GALNT14: variants seen among roughly 807,000 people sequenced by gnomAD.
GALNT14 encodes UDP-GalNAc:polypeptide N-acetylgalactosaminyltransferase 14.
A neutral mutation model predicts 77.5 loss-of-function variants in GALNT14; 60 were observed. The ratio of observed to expected loss-of-function variants is 0.77; its 90% CI spans 0.63 to 0.96. The LOEUF (loss-of-function observed/expected upper bound fraction) is 0.96. GALNT14 is among the 40% of genes least tolerant of loss of function. The pLI is 0.00. For missense variants in GALNT14, 710 were observed against 731.0 expected, an observed-to-expected ratio of 0.97 and a Z score of 0.33; for synonymous variants, 280 against 281.7, an observed-to-expected ratio of 0.99 and a Z score of 0.06.
At chr2:30,935,856 T>C (rs1261224133) in intron 9 of GALNT14, among the ~76,000 whole-genome samples, 1 of 152,152 alleles carries the variant, frequency 6.6e-6, no homozygotes, top group African/African-American at 2.4e-5. Flanking sequence ...TGCTGTAGAT[T>C]CACGTGTGAG....
chr2:30,999,374 C>T (rs868416696), intron 1 of GALNT14, among the ~76,000 whole-genome samples: 1 of 152,328 alleles, frequency 6.6e-6, no homozygotes, highest in Middle Eastern at 3.4e-3. Flanking sequence ...CCATTTGGTA[C>T]TAGTCTAATC....
intron 13 of GALNT14, among the ~76,000 whole-genome samples, chr2:30,918,926 A>C (rs1205636198): frequency 6.6e-6 from 1 of 152,066 alleles, no homozygotes; most frequent in Non-Finnish European, 1.5e-5. Flanking sequence ...AGCCTGTCCC[A>C]CCGGCAGACT....
At chr2:31,108,995 C>A (rs1278013779) in intron 1 of GALNT14, among the ~76,000 whole-genome samples, 1 of 152,190 alleles carries the variant, frequency 6.6e-6, no homozygotes, top group African/African-American at 2.4e-5. Context: ...ACGGAGAGGG[C>A]AAGTAGACCT....
chr2:31,030,510 G>C (rs1282509139), intron 1 of GALNT14, among the ~76,000 whole-genome samples: 1 of 152,208 alleles, frequency 6.6e-6, no homozygotes, highest in Non-Finnish European at 1.5e-5. Flanking sequence ...AATTGCAGGA[G>C]ACTGTCACGC....
intron 1 of GALNT14, among the ~76,000 whole-genome samples, chr2:31,023,237 T>C (rs1316077214): frequency 6.6e-6 from 1 of 152,172 alleles, no homozygotes; most frequent in African/African-American, 2.4e-5. Context: ...ATCTCAATTT[T>C]CTCTGGAGTA....
intron 10 of GALNT14, 24 bp downstream of exon 10, chr2:30,932,044 C>T (rs752251149): frequency 2.0e-5 from 30 of 1,484,464 alleles, no homozygotes; most frequent in South Asian, 8.4e-5. Context: ...GCTGCCCACC[C>T]GCGCTGAGCC....
chr2:31,025,865 C>A (rs1252940504), intron 1 of GALNT14, among the ~76,000 whole-genome samples: 3 of 152,170 alleles, frequency 2.0e-5, no homozygotes, highest in Admixed American at 2.0e-4. Context: ...GGCAGGCCTT[C>A]TATGTTACAG....
At chr2:31,042,370 G>T (rs910156096) in intron 1 of GALNT14, among the ~76,000 whole-genome samples, 1 of 152,208 alleles carries the variant, frequency 6.6e-6, no homozygotes, top group Admixed American at 6.5e-5. Context: ...GTTAATCGAG[G>T]TGGGTGCTAT....
chr2:30,978,521 G>C (rs2148370816), intron 2 of GALNT14, among the ~76,000 whole-genome samples: 1 of 152,316 alleles, frequency 6.6e-6, no homozygotes, highest in East Asian at 1.9e-4. Flanking sequence ...GGGATGGTAT[G>C]ATCAATACGT....
At chr2:31,040,080 A>ATCCACACTTT (rs1573221443) in intron 1 of GALNT14, among the ~76,000 whole-genome samples, 1 of 152,212 alleles carries the variant, frequency 6.6e-6, no homozygotes, top group East Asian at 1.9e-4. Flanking sequence ...ACCCAAAACT[A>ATCCACACTTT]TCCACACTTT....
rs959373110 is a variant in GALNT14, at chr2:31,060,354, G to C, written c.130-67347C>G. ...TGGACACACACAAGCCTACCACCAA[G>C]GACTTTCTTCAGAACAAGCCCTATT... On this transcript the variant is annotated intron_variant, in intron 1 of 14. Coordinates refer to ENST00000349752, the MANE Select transcript of GALNT14 (RefSeq NM_024572.4). Among the ~76,000 whole-genome samples, 5 of 152,262 alleles carry C rather than the reference G, an allele frequency of 3.3e-5. No individual in the cohort carries two copies. The East Asian group carries it at 7.7e-4, about 24-fold the overall frequency.
intron 1 of GALNT14, among the ~76,000 whole-genome samples, chr2:31,035,327 C>T (rs1170135046): frequency 6.6e-6 from 1 of 151,872 alleles, no homozygotes. Context: ...GATAGATTGA[C>T]CCTTTTATAA....
intron 1 of GALNT14, among the ~76,000 whole-genome samples, chr2:31,026,881 C>A (rs139184397): frequency 0.022 from 3,426 of 152,344 alleles, 51 homozygotes; most frequent in Non-Finnish European, 0.035. Context: ...TTTTTGAGTA[C>A]AACCTAAGGT....
intron 1 of GALNT14, among the ~76,000 whole-genome samples, chr2:31,000,145 G>A (rs927672359): frequency 2.0e-5 from 3 of 152,040 alleles, no homozygotes; most frequent in Middle Eastern, 3.2e-3. Flanking sequence ...TCACCCAAGC[G>A]GCTGTTTGAA....
chr2:30,892,093 T>C, the GALNT14 span, among the ~76,000 whole-genome samples: 1 of 152,242 alleles, frequency 6.6e-6, no homozygotes, highest in Non-Finnish European at 1.5e-5. Flanking sequence ...CCAGACGGTA[T>C]GTGCTGCCTA....
At position 30,989,571 on chromosome 2, in the gene GALNT14, TATATATATATAA is replaced by T. The variant is rs1481728845; in HGVS notation, c.299+3255_299+3266del. On this transcript the variant is annotated intron_variant, in intron 2 of 14. Transcript: ENST00000349752. ...GGTAGGTAAATACCTTATATATATA[TATATATATATAA>T]AAATATATATATTAGTAGATATATA... 1.3e-4 allele frequency among the ~76,000 whole-genome samples: 16 copies of T among 127,304 alleles called. No homozygotes were observed. The South Asian group carries it at 1.6e-3, about 13-fold the overall frequency. The allele number at this position is 127,304 out of a possible 152,430, so 83.5% of individuals were successfully genotyped here.
chr2:31,088,115 T>C (rs888391152), intron 1 of GALNT14, among the ~76,000 whole-genome samples: 2 of 152,196 alleles, frequency 1.3e-5, no homozygotes, highest in East Asian at 3.8e-4. Flanking sequence ...TATTCTGTTA[T>C]AGCAGCCCAA....
intron 8 of GALNT14, among the ~76,000 whole-genome samples, chr2:30,943,965 A>G (rs574670021): frequency 3.3e-5 from 5 of 152,306 alleles, no homozygotes; most frequent in Non-Finnish European, 7.3e-5. Context: ...AACAAAAATG[A>G]TTAAATACTT....
intron 1 of GALNT14, among the ~76,000 whole-genome samples, chr2:31,079,550 G>C (rs537443853): frequency 3.2e-4 from 48 of 152,274 alleles, no homozygotes; most frequent in African/African-American, 1.1e-3. Flanking sequence ...TAGTTGAACA[G>C]CATGCTTTTT....
Sources: allele counts gnomAD v4.1 joint callset (sites outside exome capture counted in the v4.1 genomes callset), GRCh38; gene constraint gnomAD v4.1.1; transcripts MANE v1.5; gene names NCBI Gene and HGNC (gene_info 2026-07-23, HGNC 2026-07-21).